Variants in XPR1 observed in about 807,000 individuals in gnomAD.
The protein encoded by XPR1 is xenotropic and polytropic retrovirus receptor 1.
Under a neutral mutation model 87.5 loss-of-function variants are expected in XPR1, and 28 were observed. The observed-to-expected ratio is 0.32, with a 90% CI of 0.24 to 0.44. XPR1 has a LOEUF of 0.44. Ranked by LOEUF, XPR1 falls within the 20% of genes least tolerant of loss-of-function variation. XPR1 has a pLI of 1.00. For synonymous variants in XPR1, 300 were observed against 306.1 expected (o/e 0.98, Z 0.21); for missense variants, 559 against 862.3 (o/e 0.65, Z 4.41).
At chr1:180,660,736 A>C (rs1655741180) in intron 1 of XPR1, among the ~76,000 whole-genome samples, 1 of 145,042 alleles carries the variant, frequency 6.9e-6, no homozygotes, top group Non-Finnish European at 1.5e-5. Flanking sequence ...AGTTTTTTTG[A>C]ATGTTTGAAG....
chr1:180,665,838 A>G (rs1258339529), intron 1 of XPR1, among the ~76,000 whole-genome samples: 1 of 152,202 alleles, frequency 6.6e-6, no homozygotes, highest in Non-Finnish European at 1.5e-5. Flanking sequence ...TGTTTACTCA[A>G]CTGATTTCTG....
intron 1 of XPR1, among the ~76,000 whole-genome samples, chr1:180,661,323 C>T (rs1019861879): frequency 6.6e-6 from 1 of 151,868 alleles, no homozygotes; most frequent in African/African-American, 2.4e-5. Flanking sequence ...CATTCAATCA[C>T]TCTTAAACTC....
At chr1:180,847,610 G>T (rs1651727647) in intron 11 of XPR1, among the ~76,000 whole-genome samples, 1 of 152,094 alleles carries the variant, frequency 6.6e-6, no homozygotes, top group Admixed American at 6.5e-5. Context: ...GGTGTTAATT[G>T]GTATTGATAT....
chr1:180,687,796 A>C (rs944831342), intron 2 of XPR1, among the ~76,000 whole-genome samples: 4 of 151,886 alleles, frequency 2.6e-5, no homozygotes, highest in African/African-American at 9.7e-5. Flanking sequence ...TTCTGAAATA[A>C]TATAGATAAG....
intron 2 of XPR1, among the ~76,000 whole-genome samples, chr1:180,745,535 A>C (rs1298098135): frequency 6.6e-6 from 1 of 152,178 alleles, no homozygotes; most frequent in Non-Finnish European, 1.5e-5. Flanking sequence ...TCTCACTGCC[A>C]CCACTACCAC....
At chr1:180,864,572 T>G (rs905034127) in intron 12 of XPR1, among the ~76,000 whole-genome samples, 1 of 152,130 alleles carries the variant, frequency 6.6e-6, no homozygotes, top group Non-Finnish European at 1.5e-5. Flanking sequence ...GACTTCTCCT[T>G]TCATTTATTT....
In XPR1 at chr1:180,651,708, A is replaced by G. The variant is rs138715332; in HGVS notation, c.69+19438A>G. 2.9e-3 allele frequency among the ~76,000 whole-genome samples: 440 copies of G among 152,294 alleles called. 3 individuals are homozygous for G. The highest frequency in any genetic ancestry group is 9.6e-3 in the African/African-American group (398 of 41,560). ...ATGCCTAGTTTATTAAGGGCTTATA[A>G]TATTTAAATTGTAGCCATGAAGTGA... On this transcript the variant is annotated intron_variant, in intron 1 of 14. Coordinates refer to ENST00000367590, the MANE Select transcript of XPR1 (RefSeq NM_004736.4).
chr1:180,879,219 G>T (rs922445780), intron 13 of XPR1, among the ~76,000 whole-genome samples: 1 of 152,114 alleles, frequency 6.6e-6, no homozygotes. Context: ...CCACCTTTAA[G>T]TCACCATCAT....
At chr1:180,703,712 C>CAAT (rs577147330) in intron 2 of XPR1, among the ~76,000 whole-genome samples, 190 of 152,252 alleles carry the variant, frequency 1.2e-3, no homozygotes, top group African/African-American at 4.4e-3. Flanking sequence ...ATTCATCATA[C>CAAT]AATATATTGT....
At chr1:180,817,392 C>T (rs1306942589) in intron 7 of XPR1, among the ~76,000 whole-genome samples, 2 of 152,154 alleles carry the variant, frequency 1.3e-5, no homozygotes, top group Non-Finnish European at 2.9e-5. Flanking sequence ...CATTTACTCA[C>T]CACTCACTCA....
chr1:180,728,308 G>T (rs1202899048), intron 2 of XPR1, among the ~76,000 whole-genome samples: 3 of 135,974 alleles, frequency 2.2e-5, no homozygotes, highest in Non-Finnish European at 4.8e-5. Context: ...GGGGGGGGGG[G>T]TAGTAATGAA....
intron 9 of XPR1, among the ~76,000 whole-genome samples, chr1:180,827,906 T>A (rs1055868137): frequency 2.0e-5 from 3 of 150,172 alleles, no homozygotes; most frequent in African/African-American, 7.4e-5. Context: ...AGACAGGGTC[T>A]GGCTCTATTG....
intron 1 of XPR1, among the ~76,000 whole-genome samples, chr1:180,677,229 C>CT (rs1460502680): frequency 2.0e-5 from 3 of 152,200 alleles, no homozygotes; most frequent in Non-Finnish European, 4.4e-5. Context: ...TGCTCACTGC[C>CT]TAGACAGAGC....
chr1:180,755,034 T>G (rs1349949582), intron 2 of XPR1, among the ~76,000 whole-genome samples: 1 of 152,128 alleles, frequency 6.6e-6, no homozygotes, highest in Non-Finnish European at 1.5e-5. Flanking sequence ...TTTCTAACTT[T>G]TAGAGAAGGA....
rs148740873 is a variant in XPR1 at position 180,677,402 on chromosome 1, G to A, written c.70-4958G>A. Among the ~76,000 whole-genome samples the A allele has an allele frequency of 3.8e-4, 58 of 152,234 alleles. 3 individuals carry two copies. The South Asian group carries it at 9.8e-3, about 26-fold the overall frequency. ...TTGGTGGGTAGTAAGCCAGTAAATC[G>A]GGAGTGCTGATTGGTTGGGTTGGAG... On this transcript the variant is annotated intron_variant, in intron 1 of 14. Coordinates refer to ENST00000367590, the MANE Select transcript of XPR1 (RefSeq NM_004736.4).
At chr1:180,859,379 A>G (rs4652532) in intron 11 of XPR1, among the ~76,000 whole-genome samples, 151,700 of 152,292 alleles carry the variant, frequency 1, 75,561 homozygotes, top group Middle Eastern at 1. Flanking sequence ...TGTGGCAGGC[A>G]TATACTGGAT....
intron 13 of XPR1, among the ~76,000 whole-genome samples, chr1:180,876,719 C>T (rs1487007305): frequency 6.6e-6 from 1 of 150,876 alleles, no homozygotes; most frequent in Non-Finnish European, 1.5e-5. Flanking sequence ...GTAGAAAAGG[C>T]CATTGATAAA....
chr1:180,873,845 T>C lies in XPR1; in HGVS notation c.1711T>C (p.Phe571Leu). 6.2e-7 allele frequency: 1 copy of C among 1,614,204 alleles called. No homozygotes were observed. The highest frequency in any genetic ancestry group is 8.5e-7 in the Non-Finnish European group (1 of 1,180,026). The change falls in exon 13 of 15, where the codon TTT becomes CTT. Residue 571 changes from phenylalanine (F) to leucine (L), a missense_variant. Physicochemically the swap from Phe to Leu is conservative, Grantham distance 22 (BLOSUM62 0). Around this residue, in one of 7 missense-constraint regions of XPR1, gnomAD observed 264 missense variants for 377.2 expected, o/e 0.70. Coordinates refer to ENST00000367590, the MANE Select transcript of XPR1 (RefSeq NM_004736.4). ...CATAATAGAGGATGTGATTCTGCGC[T>C]TTGCTTGGACTATCCAAATCTCGAT... ...CAIIEDVILR[F>L]AWTIQISITS...
intron 3 of XPR1, among the ~76,000 whole-genome samples, chr1:180,799,676 A>C (rs113438552): frequency 6.6e-6 from 1 of 152,148 alleles, no homozygotes; most frequent in Non-Finnish European, 1.5e-5. Context: ...CCACTGCCTA[A>C]TAGAAGGCAT....
Sources: gnomAD v4.1 joint callset for allele counts (sites outside exome capture counted in the v4.1 genomes callset) on GRCh38, gnomAD v4.1.1 for gene constraint, gnomAD v4.1.1 regional missense constraint, MANE v1.5 for transcripts, NCBI Gene and HGNC (gene_info 2026-07-23, HGNC 2026-07-21) for gene names.